MTMR7: variants seen among roughly 807,000 people sequenced by gnomAD.
MTMR7 encodes the protein myotubularin related protein 7.
MTMR7 carries 76 observed loss-of-function variants against 81.2 expected under a neutral mutation model. The ratio of observed to expected loss-of-function variants is 0.94; its 90% CI spans 0.78 to 1.13. The LOEUF is 1.13. MTMR7 is among the 50% of genes most tolerant of loss of function. The pLI is 0.00. For synonymous variants in MTMR7, 372 were observed against 289.8 expected (o/e 1.28, Z -2.88); for missense variants, 1,044 against 820.0 (o/e 1.27, Z -3.34).
intron 2 of MTMR7, 60 bp downstream of exon 2, chr8:17,373,058 C>A (rs1412198528): frequency 1.1e-5 from 17 of 1,592,028 alleles, no homozygotes; most frequent in Non-Finnish European, 1.5e-5. Flanking sequence ...GAATGGAGGG[C>A]AAACACTTTT....
intron 4 of MTMR7, among the ~76,000 whole-genome samples, chr8:17,358,955 G>A (rs1819979681): frequency 1.3e-5 from 2 of 152,234 alleles, no homozygotes; most frequent in Admixed American, 6.5e-5. Flanking sequence ...AGTGCATGGC[G>A]CGATCATGGC....
At chr8:17,302,424 G>C (rs1817178607) in intron 12 of MTMR7, 144 bp from the exon 13 acceptor site, 5 of 828,386 alleles carry the variant, frequency 6.0e-6, no homozygotes, top group Non-Finnish European at 8.9e-6. Flanking sequence ...ACTACTTAAG[G>C]TAATAATTTC....
chr8:17,401,583 C>G (rs1050877081), intron 1 of MTMR7, among the ~76,000 whole-genome samples: 3 of 151,872 alleles, frequency 2.0e-5, no homozygotes, highest in South Asian at 2.1e-4. Flanking sequence ...AAAAGGGGAC[C>G]AGGAAAGAGT....
chr8:17,405,593 G>C (rs1003699622), intron 1 of MTMR7, among the ~76,000 whole-genome samples: 3 of 152,022 alleles, frequency 2.0e-5, no homozygotes, highest in African/African-American at 7.2e-5. Flanking sequence ...TGCTACTAAG[G>C]AAGAAGCTAT....
intron 3 of MTMR7, among the ~76,000 whole-genome samples, chr8:17,368,226 A>G (rs576502421): frequency 1.3e-5 from 2 of 152,188 alleles, no homozygotes; most frequent in African/African-American, 4.8e-5. Flanking sequence ...ATCTCACAGG[A>G]GGTAGAGCTC....
At chr8:17,389,327 A>C (rs1406848731) in intron 1 of MTMR7, among the ~76,000 whole-genome samples, 1 of 152,184 alleles carries the variant, frequency 6.6e-6, no homozygotes, top group African/African-American at 2.4e-5. Context: ...TCATATTCTC[A>C]TGGGAACCCA....
At chr8:17,333,346 T>C (rs1235809013) in intron 6 of MTMR7, among the ~76,000 whole-genome samples, 1 of 152,262 alleles carries the variant, frequency 6.6e-6, no homozygotes, top group Admixed American at 6.5e-5. Flanking sequence ...TAGACATTGT[T>C]CTTCCAAAAC....
intron 3 of MTMR7, among the ~76,000 whole-genome samples, chr8:17,361,648 T>G (rs1453161956): frequency 6.6e-6 from 1 of 152,204 alleles, no homozygotes; most frequent in Non-Finnish European, 1.5e-5. Context: ...ATTTTTTTAA[T>G]GCCTATCAAG....
chr8:17,354,987 G>T (rs541470584), intron 4 of MTMR7, among the ~76,000 whole-genome samples: 1 of 152,160 alleles, frequency 6.6e-6, no homozygotes, highest in Non-Finnish European at 1.5e-5. Flanking sequence ...TTGTTTTGCT[G>T]TGTGTTGCTT....
chr8:17,357,456 C>A (rs1286374115), intron 4 of MTMR7, among the ~76,000 whole-genome samples: 5 of 152,148 alleles, frequency 3.3e-5, no homozygotes, highest in Non-Finnish European at 5.9e-5. Flanking sequence ...TAAAAACATG[C>A]AAAACAATAC....
At chr8:17,300,269 T>TATC in intron 13 of MTMR7, 45 bp from the exon 14 acceptor site, 2 of 1,547,930 alleles carry the variant, frequency 1.3e-6, no homozygotes, top group Non-Finnish European at 1.7e-6. Flanking sequence ...ATAAATAACT[T>TATC]ATCTTTTTCT....
At chr8:17,376,313 T>C (rs1010392914) in intron 1 of MTMR7, among the ~76,000 whole-genome samples, 4 of 152,230 alleles carry the variant, frequency 2.6e-5, no homozygotes, top group African/African-American at 9.6e-5. Flanking sequence ...TAGGGACATA[T>C]CATATTTCAT....
chr8:17,336,703 G>A (rs1249747094), intron 6 of MTMR7, among the ~76,000 whole-genome samples: 1 of 152,204 alleles, frequency 6.6e-6, no homozygotes, highest in East Asian at 1.9e-4. Context: ...GCGTCACGGA[G>A]GCAAGCGCTG....
chr8:17,334,606 A>G (rs1819166744), intron 6 of MTMR7, among the ~76,000 whole-genome samples: 2 of 152,246 alleles, frequency 1.3e-5, no homozygotes, highest in African/African-American at 2.4e-5. Context: ...AGAGAAGTTA[A>G]TAAATGAAGC....
At chr8:17,386,350 G>T (rs1019045714) in intron 1 of MTMR7, among the ~76,000 whole-genome samples, 3 of 152,180 alleles carry the variant, frequency 2.0e-5, no homozygotes, top group African/African-American at 7.2e-5. Context: ...TGCATTGCAG[G>T]CTGGGCAGCA....
chr8:17,361,163 A>G lies in MTMR7; in HGVS notation c.422T>C (p.Leu141Pro). The stretch of plus-strand genomic sequence containing the variant: ...GCTGAGCTGCCAGTAATGATTAGGG[A>G]GGCCCATCCGCGTGTATTCTTCACT... ...DLSEEYTRMG[L>P]PNHYWQLSDV... Residue 141 changes from leucine (L) to proline (P), a missense_variant, in exon 4 of 14, where the codon CTC becomes CCC. Coordinates refer to ENST00000180173, the MANE Select transcript of MTMR7 (RefSeq NM_004686.5). The G allele has an allele frequency of 2.5e-6, 4 of 1,614,184 alleles. No individual in the cohort carries two copies. Among genetic ancestry groups the G allele is most frequent in the Non-Finnish European group, 3.4e-6 (4 of 1,180,042 alleles).
chr8:17,375,481 T>TTTTGTTTTG lies in MTMR7; in HGVS notation c.25-2242_25-2241insCAAAACAAA, dbSNP rs34735405. 7.7e-3 allele frequency among the ~76,000 whole-genome samples: 562 copies of TTTTGTTTTG among 72,608 alleles called. 4 individuals carry two copies. Among genetic ancestry groups the TTTTGTTTTG allele is most frequent in the African/African-American group, 0.027 (527 of 19,680 alleles). 47.6% of individuals were successfully genotyped at this position (72,608 alleles called of 152,430 possible). On this transcript the variant is annotated intron_variant, in intron 1 of 13. Coordinates refer to ENST00000180173, the MANE Select transcript of MTMR7 (RefSeq NM_004686.5). ...AGTGCCCTTCACCTACTAGCTTATG[T>TTTTGTTTTG]TTTTTTTTTTTTTTTACAAGAATTC...
At chr8:17,305,263 A>G (rs1817376876) in intron 11 of MTMR7, among the ~76,000 whole-genome samples, 1 of 152,226 alleles carries the variant, frequency 6.6e-6, no homozygotes, top group South Asian at 2.1e-4. Context: ...TCTCATGTAT[A>G]CTGCCTAAAT....
intron 1 of MTMR7, among the ~76,000 whole-genome samples, chr8:17,379,091 A>G (rs1563368496): frequency 6.6e-6 from 1 of 152,170 alleles, no homozygotes; most frequent in Non-Finnish European, 1.5e-5. Context: ...GATAGCAGAG[A>G]TAATATTTTA....
Sources: allele counts gnomAD v4.1 joint callset (sites outside exome capture counted in the v4.1 genomes callset), GRCh38; gene constraint gnomAD v4.1.1; transcripts MANE v1.5; gene names NCBI Gene and HGNC (gene_info 2026-07-23, HGNC 2026-07-21).